The following PA2G4 variants were observed in gnomAD, a reference collection of about 807,000 sequenced individuals.
PA2G4 encodes the protein proliferation-associated protein 2G4.
PA2G4 carries 8 observed loss-of-function variants against 53.3 expected under a neutral mutation model. That is an observed-to-expected ratio of 0.15 (90% CI 0.09 to 0.27). PA2G4 has a LOEUF of 0.27. Among genes scored for constraint, PA2G4 ranks in the 10% least tolerant of loss-of-function variants. The pLI is 1.00. For synonymous variants in PA2G4, 143 were observed against 169.8 expected (o/e 0.84, Z 1.23); for missense variants, 208 against 486.8 (o/e 0.43, Z 5.39).
Position 56,104,837 on chromosome 12 carries a change from C to T in PA2G4, c.88+12C>T. The stretch of plus-strand genomic sequence containing the variant: ...CGACATCGCCAACAGTGAGTGCGGC[C>T]TCGGGGGTCGGGGAATCAAGGCTGA... On this transcript the variant is annotated intron_variant, in intron 1 of 12. Coordinates refer to ENST00000303305, the MANE Select transcript of PA2G4 (RefSeq NM_006191.3). 6.2e-7 allele frequency: 1 copy of T among 1,609,042 alleles called. No homozygotes were observed. Among genetic ancestry groups the T allele is most frequent in the Non-Finnish European group, 8.5e-7 (1 of 1,175,892 alleles).
At chr12:56,105,216 C>G (rs1869272884) in intron 1 of PA2G4, 2 of 450,182 alleles carry the variant, frequency 4.4e-6, no homozygotes, top group Non-Finnish European at 8.8e-6. Context: ...CAGAAGTGCC[C>G]CTCTGTTTTT....
chr12:56,106,492 T>G, intron 1 of PA2G4, 96 bp from the exon 2 acceptor site: 1 of 1,335,410 alleles, frequency 7.5e-7, no homozygotes, highest in Non-Finnish European at 9.9e-7. Context: ...CCAGGGAGTA[T>G]TATGGAAACT....
chr12:56,107,447 CAG>C, intron 4 of PA2G4, 72 bp from the exon 5 acceptor site: 1 of 1,162,266 alleles, frequency 8.6e-7, no homozygotes, highest in East Asian at 2.3e-5. Flanking sequence ...TATGGGCTCA[CAG>C]ATATTAACCA....
At position 56,111,327 on chromosome 12, in the gene PA2G4, G is replaced by A. The variant is rs896877365; in HGVS notation, c.1065+18G>A. 3 of 1,614,138 alleles carry A rather than the reference G, an allele frequency of 1.9e-6. No homozygotes were observed. Among genetic ancestry groups the A allele is most frequent in the African/African-American group, 1.3e-5 (1 of 75,038 alleles). ...AGCTAAAGGTTAGTATGGAATAGAA[G>A]GTGGTGAGTATGTACATGGTATCCT... On this transcript the variant is annotated intron_variant, in intron 11 of 12. Coordinates refer to ENST00000303305, the MANE Select transcript of PA2G4 (RefSeq NM_006191.3).
intron 6 of PA2G4, among the ~76,000 whole-genome samples, chr12:56,109,574 T>C (rs935776681): frequency 4.8e-5 from 7 of 145,636 alleles, no homozygotes; most frequent in African/African-American, 1.8e-4. Flanking sequence ...GAGCCAAGAT[T>C]GCGCCACTGC....
chr12:56,110,807 C>G, intron 9 of PA2G4, 115 bp downstream of exon 9: 5 of 1,349,838 alleles, frequency 3.7e-6, no homozygotes, highest in Non-Finnish European at 5.2e-6. Flanking sequence ...TCACTCCCTC[C>G]CTCTCTCTCC....
At chr12:56,107,320 T>G (rs1210402625) in intron 4 of PA2G4, 64 bp downstream of exon 4, 1 of 1,297,206 alleles carries the variant, frequency 7.7e-7, no homozygotes, top group Non-Finnish European at 1.1e-6. Flanking sequence ...GCCATTTGCT[T>G]CTTATCCCCA....
At chr12:56,108,245 G>GA (rs1387262133) in intron 5 of PA2G4, among the ~76,000 whole-genome samples, 2 of 152,104 alleles carry the variant, frequency 1.3e-5, no homozygotes, top group Non-Finnish European at 2.9e-5. Context: ...AAAGAAAAAA[G>GA]AAAACCCAGG....
chr12:56,108,893 T>A (rs1056880333), intron 5 of PA2G4, among the ~76,000 whole-genome samples: 1 of 152,098 alleles, frequency 6.6e-6, no homozygotes, highest in Admixed American at 6.5e-5. Flanking sequence ...TTTGGGAGGC[T>A]GAGGTGGGCA....
chr12:56,109,949 C>T lies in PA2G4; in HGVS notation c.629+14C>T, dbSNP rs766115002. The T allele has an allele frequency of 3.7e-5, 58 of 1,586,274 alleles. No homozygotes were observed. In the Admixed American group the frequency reaches 5.0e-4, roughly 14 times the overall value. ...AGACCAGCAGAAGTAGGTGCCAACC[C>T]TACTTATTACCTTCTACCACACAAG... On this transcript the variant is annotated intron_variant, in intron 7 of 12. Transcript: ENST00000303305.
At chr12:56,106,849 A>G (rs1869313100) in intron 2 of PA2G4, 133 bp downstream of exon 2, 3 of 1,301,364 alleles carry the variant, frequency 2.3e-6, no homozygotes, top group Non-Finnish European at 2.1e-6. Context: ...TGGAATGGCA[A>G]GTGGGATACA....
In PA2G4 at chr12:56,113,886, A is replaced by G; in HGVS notation, c.*998A>G. The G allele has an allele frequency of 1.4e-6, 1 of 702,264 alleles. No individual in the cohort carries two copies. Among genetic ancestry groups the G allele is most frequent in the Non-Finnish European group, 2.6e-6 (1 of 384,812 alleles). The allele number at this position is 702,264 out of a possible 1,614,324, so 43.5% of individuals were successfully genotyped here. On this transcript the variant is annotated 3_prime_UTR_variant, in exon 13 of 13. Transcript: ENST00000303305. ...ACATTGAAAATGACATGACATTAAA[A>G]TAAATTTGGATTTGCTCATAATGAT...
chr12:56,107,976 C>T (rs970199849), intron 5 of PA2G4, among the ~76,000 whole-genome samples: 5 of 152,192 alleles, frequency 3.3e-5, no homozygotes, highest in Admixed American at 6.5e-5. Context: ...CTGTGCTGAG[C>T]TATGATCATG....
intron 8 of PA2G4, 22 bp downstream of exon 8, chr12:56,110,499 G>T (rs368288884): frequency 3.1e-6 from 5 of 1,613,664 alleles, no homozygotes; most frequent in African/African-American, 2.7e-5. Flanking sequence ...ACCAGAGTTG[G>T]CAAAGAGGGG....
chr12:56,109,833 C>G (rs1348034653), intron 6 of PA2G4, 24 bp from the exon 7 acceptor site: 2 of 1,576,338 alleles, frequency 1.3e-6, no homozygotes, highest in South Asian at 2.2e-5. Context: ...ATAGCTTGTT[C>G]CATAGGTTGT....
rs1869472988 is a variant in PA2G4, at chr12:56,113,383, T to C, written c.*495T>C. 6.1e-6 allele frequency: 1 copy of C among 164,948 alleles called. No individual in the cohort carries two copies. The highest frequency in any genetic ancestry group is 6.3e-5 in the Admixed American group (1 of 15,758). 10.2% of individuals were successfully genotyped at this position (164,948 alleles called of 1,614,324 possible). On this transcript the variant is annotated 3_prime_UTR_variant, in exon 13 of 13. Transcript: ENST00000303305. ...GCTTCAAAATTAAGAGGATTATTTT[T>C]CAGATTGTTTTTATTCAGTGTGGCC...
chr12:56,108,517 T>C (rs1041696691), intron 5 of PA2G4, among the ~76,000 whole-genome samples: 1 of 152,206 alleles, frequency 6.6e-6, no homozygotes, highest in African/African-American at 2.4e-5. Context: ...CCATATAGTA[T>C]TTAGTAAATT....
At position 56,113,704 on chromosome 12, in the gene PA2G4, A is replaced by T; in HGVS notation, c.*816A>T. On this transcript the variant is annotated 3_prime_UTR_variant, in exon 13 of 13. Coordinates refer to ENST00000303305, the MANE Select transcript of PA2G4 (RefSeq NM_006191.3). Reference sequence around the variant, plus strand: ...CCATGAAAGAAAAACCAAGAACCAGAGGCGTAGACTGACTGAAGACACAAC... The same window carrying T: ...CCATGAAAGAAAAACCAAGAACCAGTGGCGTAGACTGACTGAAGACACAAC... The T allele has an allele frequency of 3.3e-6, 2 of 603,508 alleles. No homozygotes were observed. Among genetic ancestry groups the T allele is most frequent in the South Asian group, 4.0e-5 (2 of 49,438 alleles). The allele number at this position is 603,508 out of a possible 1,614,324, so 37.4% of individuals were successfully genotyped here. A position where few individuals can be genotyped will look rare whatever the true frequency, so the allele number is the denominator to read the frequency against.
At position 56,105,734 on chromosome 12, in the gene PA2G4, T is replaced by G. The variant is rs897521542; in HGVS notation, c.89-854T>G. 2.6e-5 allele frequency among the ~76,000 whole-genome samples: 4 copies of G among 152,260 alleles called. No individual in the cohort carries two copies. The East Asian group carries it at 7.7e-4, about 29-fold the overall frequency. On this transcript the variant is annotated intron_variant, in intron 1 of 12. Coordinates refer to ENST00000303305, the MANE Select transcript of PA2G4 (RefSeq NM_006191.3). ...GCAGTTGCCTGTCACTCTAGGCAGA[T>G]GCCACTTTCTCTTTTCTCTCTTTCC...
Sources: allele counts gnomAD v4.1 joint callset (sites outside exome capture counted in the v4.1 genomes callset), GRCh38; gene constraint gnomAD v4.1.1; transcripts MANE v1.5; gene names NCBI Gene and HGNC (gene_info 2026-07-23, HGNC 2026-07-21).